The following FRMPD2 variants were observed in gnomAD, a reference collection of about 807,000 sequenced individuals.
The protein encoded by FRMPD2 is FERM and PDZ domain containing 2.
In FRMPD2, 96 loss-of-function variants were observed where a neutral mutation model predicts 140.1. That is an observed-to-expected ratio of 0.69 (90% CI 0.58 to 0.81). FRMPD2 has a LOEUF of 0.81. Among genes scored for constraint, FRMPD2 ranks in the 40% least tolerant of loss-of-function variants. FRMPD2 has a pLI of 0.00. For missense variants in FRMPD2, 1,240 were observed against 1,447.4 expected, an observed-to-expected ratio of 0.86 and a Z score of 2.32; for synonymous variants, 449 against 547.6, an observed-to-expected ratio of 0.82 and a Z score of 2.52.
At chr10:48,242,074 T>G in intron 5 of FRMPD2, 87 bp downstream of exon 5, 1 of 943,118 alleles carries the variant, frequency 1.1e-6, no homozygotes, top group Non-Finnish European at 1.6e-6. Flanking sequence ...TTATTTTATT[T>G]TAGTTAATGA....
chr10:48,196,503 A>G (rs891383361), intron 15 of FRMPD2, among the ~76,000 whole-genome samples: 3 of 152,288 alleles, frequency 2.0e-5, no homozygotes, highest in Non-Finnish European at 2.9e-5. Context: ...GTTTTTGGTG[A>G]CAAGTGGGGT....
At chr10:48,221,148 A>C (rs548125450) in intron 12 of FRMPD2, among the ~76,000 whole-genome samples, 1 of 152,364 alleles carries the variant, frequency 6.6e-6, no homozygotes, top group Non-Finnish European at 1.5e-5. Context: ...ACGCATGTTT[A>C]TAGCAGCACA....
At chr10:48,225,416 CA>C (rs1839700179) in intron 10 of FRMPD2, among the ~76,000 whole-genome samples, 2 of 152,216 alleles carry the variant, frequency 1.3e-5, no homozygotes, top group African/African-American at 4.8e-5. Flanking sequence ...CGCACAAGGA[CA>C]GCTAGCCACT....
At position 48,192,710 on chromosome 10, in the gene FRMPD2, C is replaced by A. The variant is rs201066967; in HGVS notation, c.2139G>T (p.Glu713Asp). The A allele has an allele frequency of 1.2e-6, 2 of 1,614,160 alleles. No homozygotes were observed. The highest frequency in any genetic ancestry group is 1.7e-5 in the Admixed American group (1 of 60,030). The change falls in exon 16 of 29, where the codon GAG (glutamate) becomes GAT (aspartate). Residue 713 changes from glutamate (E) to aspartate (D), a missense_variant. By Grantham distance (45) the Glu-to-Asp change is conservative (BLOSUM62 2). Coordinates refer to ENST00000374201, the MANE Select transcript of FRMPD2 (RefSeq NM_001018071.4). ...MDNFNVDGSK[E>D]AGAEGIGRSP... ...TGCGCCCGATGCCTTCTGCTCCAGCCTCCTTGCTGCCGTCCACGTTGAAGT... is the reference window on the plus strand; with the variant it reads ...TGCGCCCGATGCCTTCTGCTCCAGCATCCTTGCTGCCGTCCACGTTGAAGT...
intron 3 of FRMPD2, among the ~76,000 whole-genome samples, chr10:48,246,939 C>T (rs969525045): frequency 1.3e-5 from 2 of 152,200 alleles, no homozygotes; most frequent in African/African-American, 4.8e-5. Context: ...AGGCTGGTGG[C>T]TTTGGCCCCT....
chr10:48,210,580 G>A (rs575219539), intron 13 of FRMPD2, among the ~76,000 whole-genome samples: 13 of 152,254 alleles, frequency 8.5e-5, no homozygotes, highest in African/African-American at 3.1e-4. Flanking sequence ...GTGGCTCTGT[G>A]ACCACTCATT....
In FRMPD2 at chr10:48,182,648, T is replaced by A. The variant is rs891610363; in HGVS notation, c.2585-1640A>T. The stretch of plus-strand genomic sequence containing the variant: ...GAAGGCAGCATTGCCAAAAGGTGGC[T>A]GGGGTGCCACAGTGAAAGGACATTT... On this transcript the variant is annotated intron_variant, in intron 20 of 28. Transcript: ENST00000374201. Among the ~76,000 whole-genome samples the A allele has an allele frequency of 8.5e-5, 13 of 152,322 alleles. No homozygotes were observed. In the South Asian group the frequency reaches 2.7e-3, roughly 32 times the overall value.
Position 48,239,702 on chromosome 10 carries a change from C to A in FRMPD2, c.701-10G>T, listed in dbSNP as rs1318760783. On this transcript the variant is annotated splice_polypyrimidine_tract_variant and intron_variant, in intron 6 of 28. Coordinates refer to ENST00000374201, the MANE Select transcript of FRMPD2 (RefSeq NM_001018071.4). ...GTGCTTCTTTCTGAAACTAATCAAG[C>A]AGCATGGTAGAGGGTATGGGCAGAA... is the stretch of plus-strand genomic sequence containing the variant. 3 of 1,609,938 alleles carry A rather than the reference C, an allele frequency of 1.9e-6. No individual in the cohort carries two copies. In the Admixed American group the frequency reaches 5.0e-5, roughly 27 times the overall value.
At chr10:48,194,692 G>A (rs1366695528) in intron 15 of FRMPD2, among the ~76,000 whole-genome samples, 2 of 152,138 alleles carry the variant, frequency 1.3e-5, no homozygotes, top group Non-Finnish European at 1.5e-5. Context: ...AGCTCAGTTA[G>A]CAGGAGAGGG....
At position 48,222,460 on chromosome 10, in the gene FRMPD2, G is replaced by A. The variant is rs752240931; in HGVS notation, c.1317-9C>T. On this transcript the variant is annotated splice_polypyrimidine_tract_variant and intron_variant, in intron 11 of 28. Coordinates refer to ENST00000374201, the MANE Select transcript of FRMPD2 (RefSeq NM_001018071.4). ...GCCTTGTCAGGCTGTGCCTGGAAAA[G>A]AAGTAGCAATAAAAAGGGCTGGGTT... 3.1e-6 allele frequency: 5 copies of A among 1,613,522 alleles called. No homozygotes were observed. The highest frequency in any genetic ancestry group is 3.4e-6 in the Non-Finnish European group (4 of 1,179,726).
chr10:48,174,304 G>A (rs1350498285), intron 24 of FRMPD2, among the ~76,000 whole-genome samples: 2 of 149,386 alleles, frequency 1.3e-5, no homozygotes, highest in Non-Finnish European at 3.0e-5. Flanking sequence ...GGATAACATC[G>A]AGTCACTGCG....
At chr10:48,249,204 G>A in intron 2 of FRMPD2, 26 bp from the exon 3 acceptor site, 1 of 1,608,086 alleles carries the variant, frequency 6.2e-7, no homozygotes, top group Non-Finnish European at 8.5e-7. Context: ...TGATGGGGCT[G>A]TAGAGACAGA....
rs141341082 is a variant in FRMPD2 at position 48,246,423 on chromosome 10, A to G, written c.310-1574T>C. ...TCATCCAAAATTCTAAATTCAGCTC[A>G]CTGGTAGACACTGCCAGTAGAGGCT... On this transcript the variant is annotated intron_variant, in intron 3 of 28. Coordinates refer to ENST00000374201, the MANE Select transcript of FRMPD2 (RefSeq NM_001018071.4). Among the ~76,000 whole-genome samples the G allele has an allele frequency of 6.8e-3, 1,039 of 152,324 alleles. 11 individuals carry two copies. Among genetic ancestry groups the G allele is most frequent in the African/African-American group, 0.023 (966 of 41,574 alleles).
At chr10:48,187,641 A>C (rs781538641) in intron 16 of FRMPD2, among the ~76,000 whole-genome samples, 1 of 152,216 alleles carries the variant, frequency 6.6e-6, no homozygotes, top group Non-Finnish European at 1.5e-5. Context: ...CCTACTTCCC[A>C]GGCTTCTAAG....
Position 48,171,223 on chromosome 10 carries a change from G to A in FRMPD2, c.3224-15C>T. On this transcript the variant is annotated splice_polypyrimidine_tract_variant and intron_variant, in intron 25 of 28. Coordinates refer to ENST00000374201, the MANE Select transcript of FRMPD2 (RefSeq NM_001018071.4). ...AAACTTAGGACCTGTAGTGTGGGAT[G>A]TTGATAAAAATAAATTCTTCAGTAG... 1 of 699,794 alleles carries A rather than the reference G, an allele frequency of 1.4e-6. No individual in the cohort carries two copies. Among genetic ancestry groups the A allele is most frequent in the Non-Finnish European group, 2.7e-6 (1 of 376,646 alleles). The allele number at this position is 699,794 out of a possible 1,614,324, so 43.3% of individuals were successfully genotyped here.
At chr10:48,201,595 T>C in intron 14 of FRMPD2, 1 of 463,700 alleles carries the variant, frequency 2.2e-6, no homozygotes, top group Non-Finnish European at 3.9e-6. Flanking sequence ...TCAATCAAAT[T>C]GTTTATCAAA....
chr10:48,228,093 T>G (rs1406221438), intron 10 of FRMPD2, among the ~76,000 whole-genome samples: 1 of 152,158 alleles, frequency 6.6e-6, no homozygotes, highest in East Asian at 1.9e-4. Context: ...AAAAAAGCCA[T>G]ATGTTTTAAC....
Position 48,251,794 on chromosome 10 carries a change from C to T in FRMPD2, c.26-103G>A, listed in dbSNP as rs974836722. The T allele has an allele frequency of 8.7e-6, 12 of 1,372,244 alleles. No homozygotes were observed. In the African/African-American group the frequency reaches 1.0e-4, roughly 11 times the overall value. The allele number at this position is 1,372,244 out of a possible 1,614,324, so 85.0% of individuals were successfully genotyped here. A position where few individuals can be genotyped will look rare whatever the true frequency, so the allele number is the denominator to read the frequency against. On this transcript the variant is annotated intron_variant, in intron 1 of 28. Coordinates refer to ENST00000374201, the MANE Select transcript of FRMPD2 (RefSeq NM_001018071.4). ...GCAGCCAGGCATGGTCTGGCCACTA[C>T]TGCACACCGGCACTGTGTTTTCAGC... is the stretch of plus-strand genomic sequence containing the variant.
intron 4 of FRMPD2, 69 bp downstream of exon 4, chr10:48,244,715 C>A: frequency 8.3e-7 from 1 of 1,202,852 alleles, no homozygotes; most frequent in Non-Finnish European, 1.2e-6. Context: ...TGGTCCCTGC[C>A]CAGGAGAAAA....
Sources: gnomAD v4.1 joint callset for allele counts (sites outside exome capture counted in the v4.1 genomes callset) on GRCh38, gnomAD v4.1.1 for gene constraint, MANE v1.5 for transcripts, NCBI Gene and HGNC (gene_info 2026-07-23, HGNC 2026-07-21) for gene names.